The following FRMPD2 variants were observed in gnomAD, a reference collection of about 807,000 sequenced individuals.
FRMPD2 encodes FERM and PDZ domain-containing protein 2.
FRMPD2 carries 96 observed loss-of-function variants against 140.1 expected under a neutral mutation model. That is an observed-to-expected ratio of 0.69 (90% CI 0.58 to 0.81). The LOEUF is 0.81. Among genes scored for constraint, FRMPD2 ranks in the 40% least tolerant of loss-of-function variants. FRMPD2 has a pLI of 0.00. For synonymous variants in FRMPD2, 449 were observed against 547.6 expected (o/e 0.82, Z 2.52); for missense variants, 1,240 against 1,447.4 (o/e 0.86, Z 2.32).
intron 1 of FRMPD2, among the ~76,000 whole-genome samples, chr10:48,267,464 C>T (rs867569722): frequency 6.6e-6 from 1 of 152,094 alleles, no homozygotes; most frequent in African/African-American, 2.4e-5. Context: ...ATGACCCAAT[C>T]GGACAACAGA....
rs1840084272 is a variant in FRMPD2, at chr10:48,240,556, A to G, written c.568-64T>C. The G allele has an allele frequency of 6.9e-6, 11 of 1,596,762 alleles. No individual in the cohort carries two copies. In the Admixed American group the frequency reaches 1.7e-4, roughly 24 times the overall value. On this transcript the variant is annotated intron_variant, in intron 5 of 28. Transcript: ENST00000374201. Reference sequence around the variant, plus strand: ...AAGGAGGGGGCGTTTTTATAGATACATGCAAACTGGCTGTCAGACTGAATC... The same window carrying G: ...AAGGAGGGGGCGTTTTTATAGATACGTGCAAACTGGCTGTCAGACTGAATC...
intron 15 of FRMPD2, among the ~76,000 whole-genome samples, chr10:48,200,172 A>G (rs1213342718): frequency 6.8e-6 from 1 of 146,806 alleles, no homozygotes; most frequent in East Asian, 1.9e-4. Flanking sequence ...AAATAAATAA[A>G]TAAATAAATA....
intron 1 of FRMPD2, among the ~76,000 whole-genome samples, chr10:48,264,152 T>A (rs1271439501): frequency 6.6e-6 from 1 of 151,736 alleles, no homozygotes. Flanking sequence ...TTAATCTTTT[T>A]AAAATATGTA....
At position 48,186,422 on chromosome 10, in the gene FRMPD2, G is replaced by A. The variant is rs935137999; in HGVS notation, c.2266+770C>T. Reference sequence around the variant, plus strand: ...ATTGTATCTCCCAGAATTCCTGCATGCTGTGGGAGGGACCCAGGGGGAAGT... The same window carrying A: ...ATTGTATCTCCCAGAATTCCTGCATACTGTGGGAGGGACCCAGGGGGAAGT... On this transcript the variant is annotated intron_variant, in intron 17 of 28. Coordinates refer to ENST00000374201, the MANE Select transcript of FRMPD2 (RefSeq NM_001018071.4). 3.3e-5 allele frequency among the ~76,000 whole-genome samples: 5 copies of A among 152,322 alleles called. No homozygotes were observed. The South Asian group carries it at 8.3e-4, about 25-fold the overall frequency.
chr10:48,227,833 T>A (rs544328524), intron 10 of FRMPD2, among the ~76,000 whole-genome samples: 51 of 152,312 alleles, frequency 3.3e-4, no homozygotes, highest in African/African-American at 1.2e-3. Flanking sequence ...TGAGTTCAGG[T>A]GATCTGGTAT....
At chr10:48,239,327 A>G (rs1478843747) in intron 7 of FRMPD2, among the ~76,000 whole-genome samples, 1 of 152,234 alleles carries the variant, frequency 6.6e-6, no homozygotes, top group African/African-American at 2.4e-5. Context: ...GGATAATGGC[A>G]ACAATATTGA....
At chr10:48,253,538 C>A (rs1333827188) in intron 1 of FRMPD2, among the ~76,000 whole-genome samples, 1 of 151,940 alleles carries the variant, frequency 6.6e-6, no homozygotes, top group African/African-American at 2.4e-5. Context: ...TTAGAAAAAC[C>A]CCACCCAATA....
chr10:48,232,478 T>G (rs1216358529), intron 9 of FRMPD2, among the ~76,000 whole-genome samples, 189 bp from the exon 10 acceptor site: 1 of 152,178 alleles, frequency 6.6e-6, no homozygotes, highest in African/African-American at 2.4e-5. Context: ...GAGTCTTGCC[T>G]AGGGTTTGCA....
chr10:48,212,195 C>G, intron 12 of FRMPD2, 86 bp from the exon 13 acceptor site: 1 of 1,368,460 alleles, frequency 7.3e-7, no homozygotes, highest in Non-Finnish European at 1.0e-6. Context: ...TCTGTAGTCA[C>G]AATTCCAGGA....
intron 28 of FRMPD2, among the ~76,000 whole-genome samples, chr10:48,160,305 A>G (rs1486047143): frequency 6.6e-6 from 1 of 151,692 alleles, no homozygotes; most frequent in African/African-American, 2.4e-5. Flanking sequence ...GTGAAATCGA[A>G]TCTTGTCCAT....
intron 14 of FRMPD2, among the ~76,000 whole-genome samples, chr10:48,202,154 C>A (rs1352671376): frequency 6.6e-6 from 1 of 151,986 alleles, no homozygotes; most frequent in African/African-American, 2.4e-5. Context: ...CTGATAAGAA[C>A]AATAAAATAT....
In FRMPD2 at chr10:48,182,871, G is replaced by A. The variant is rs532106835; in HGVS notation, c.2584+1695C>T. ...GGATGGTTTGACTGCTCCTGTCAGT[G>A]GAGGATGTGGAAGAAAACACAGGGA... On this transcript the variant is annotated intron_variant, in intron 20 of 28. Coordinates refer to ENST00000374201, the MANE Select transcript of FRMPD2 (RefSeq NM_001018071.4). Among the ~76,000 whole-genome samples the A allele has an allele frequency of 2.4e-3, 372 of 152,340 alleles. 2 individuals carry two copies. The highest frequency in any genetic ancestry group is 8.7e-3 in the African/African-American group (361 of 41,572).
intron 7 of FRMPD2, 88 bp from the exon 8 acceptor site, chr10:48,238,211 G>A (rs1317245603): frequency 2.1e-6 from 3 of 1,407,172 alleles, no homozygotes; most frequent in Non-Finnish European, 1.9e-6. Context: ...GGCTCAGTTG[G>A]GCAGGGTGCA....
intron 15 of FRMPD2, among the ~76,000 whole-genome samples, chr10:48,194,855 G>A (rs187690698): frequency 1.3e-5 from 2 of 152,262 alleles, no homozygotes; most frequent in African/African-American, 4.8e-5. Flanking sequence ...GACAAACAGT[G>A]GAGGGGGGAT....
Position 48,174,560 on chromosome 10 carries a change from A to C in FRMPD2, c.3075+310T>G, listed in dbSNP as rs1444386428. 2.6e-5 allele frequency among the ~76,000 whole-genome samples: 4 copies of C among 151,578 alleles called. No homozygotes were observed. In the East Asian group the frequency reaches 8.0e-4, roughly 30 times the overall value. ...GGGGCAGCCAGAGCCAGGCTAGAGC[A>C]GTCTCTTCACTCCATCTTCTCCATT... On this transcript the variant is annotated intron_variant, in intron 24 of 28. Transcript: ENST00000374201.
At chr10:48,183,476 T>C (rs548456601) in intron 20 of FRMPD2, among the ~76,000 whole-genome samples, 2 of 152,192 alleles carry the variant, frequency 1.3e-5, no homozygotes, top group Non-Finnish European at 2.9e-5. Flanking sequence ...AAGAAAAGCA[T>C]CATCAAAAAG....
chr10:48,270,860 G>A (rs189473770), intron 1 of FRMPD2, among the ~76,000 whole-genome samples: 57 of 151,814 alleles, frequency 3.8e-4, no homozygotes, highest in African/African-American at 1.2e-3. Flanking sequence ...TCTAAAATCC[G>A]CCTGTTTCTC....
intron 14 of FRMPD2, among the ~76,000 whole-genome samples, 190 bp downstream of exon 14, chr10:48,206,558 C>T (rs1477421743): frequency 6.6e-6 from 1 of 152,118 alleles, no homozygotes; most frequent in African/African-American, 2.4e-5. Flanking sequence ...CTGAGGACCT[C>T]CCAAAATCCC....
intron 12 of FRMPD2, among the ~76,000 whole-genome samples, chr10:48,214,215 G>A (rs1005347878): frequency 3.3e-5 from 5 of 152,040 alleles, no homozygotes; most frequent in Admixed American, 6.6e-5. Flanking sequence ...CTCTCTGTTC[G>A]TGAGACACAC....
Sources: gnomAD v4.1 joint callset for allele counts (sites outside exome capture counted in the v4.1 genomes callset) on GRCh38, gnomAD v4.1.1 for gene constraint, MANE v1.5 for transcripts, NCBI Gene and HGNC (gene_info 2026-07-23, HGNC 2026-07-21) for gene names.